Variants in PTPRM observed in about 807,000 individuals in gnomAD.
PTPRM encodes protein tyrosine phosphatase receptor type M, also known as receptor-type tyrosine-protein phosphatase mu.
A neutral mutation model predicts 186.7 loss-of-function variants in PTPRM; 47 were observed. That is an observed-to-expected ratio of 0.25 (90% confidence interval 0.20 to 0.32). The LOEUF is 0.32. Among genes scored for constraint, PTPRM ranks in the 10% least tolerant of loss-of-function variants. The probability of loss-of-function intolerance (pLI) is 1.00; values close to 1 mark genes in which losing one functional copy is unlikely to be tolerated. For missense variants in PTPRM, 1,494 were observed against 1,865.0 expected (o/e 0.80, Z 3.66); for synonymous variants, 668 against 674.9 (o/e 0.99, Z 0.16).
At chr18:7,827,360 G>C (rs898778846) in intron 2 of PTPRM, among the ~76,000 whole-genome samples, 5 of 152,054 alleles carry the variant, frequency 3.3e-5, no homozygotes, top group African/African-American at 1.2e-4. Context: ...AAGCCTTGTA[G>C]CCCTTCTGGA....
At chr18:8,055,329 T>G (rs1404694457) in intron 7 of PTPRM, among the ~76,000 whole-genome samples, 1 of 152,136 alleles carries the variant, frequency 6.6e-6, no homozygotes, top group Non-Finnish European at 1.5e-5. Context: ...TATTTCTATT[T>G]TTCTGTGCTA....
chr18:7,807,479 C>T (rs1165394841), intron 2 of PTPRM, among the ~76,000 whole-genome samples: 1 of 152,136 alleles, frequency 6.6e-6, no homozygotes, highest in Non-Finnish European at 1.5e-5. Flanking sequence ...TCTATTTATC[C>T]AACCCCCACC....
intron 1 of PTPRM, chr18:7,741,790 C>T (rs2040889509): frequency 6.6e-6 from 1 of 152,148 alleles, no homozygotes; most frequent in Non-Finnish European, 1.5e-5. Flanking sequence ...ATAAGTGAAA[C>T]CTTAGCACTG....
chr18:8,296,483 T>C (rs753333685), intron 20 of PTPRM, 28 bp downstream of exon 20: 33 of 1,524,524 alleles, frequency 2.2e-5, no homozygotes, highest in Non-Finnish European at 2.5e-5. Flanking sequence ...CATTGTGCTG[T>C]TGTAGAACTT....
At chr18:8,289,558 A>G (rs2095011356) in intron 19 of PTPRM, among the ~76,000 whole-genome samples, 1 of 103,422 alleles carries the variant, frequency 9.7e-6, no homozygotes, top group Non-Finnish European at 1.9e-5. Context: ...ATACATATAT[A>G]TACACATATA....
At chr18:8,226,307 G>A (rs2094213476) in intron 14 of PTPRM, among the ~76,000 whole-genome samples, 1 of 121,502 alleles carries the variant, frequency 8.2e-6, no homozygotes, top group Admixed American at 1.1e-4. Context: ...CAAATAAATA[G>A]CATGTAAAGG....
intron 1 of PTPRM, among the ~76,000 whole-genome samples, chr18:7,629,095 T>A (rs1482831771): frequency 6.6e-6 from 1 of 152,142 alleles, no homozygotes; most frequent in Non-Finnish European, 1.5e-5. Flanking sequence ...GGTACACTCA[T>A]GGAAGCAGCC....
intron 3 of PTPRM, 110 bp from the exon 4 acceptor site, chr18:7,906,395 T>C (rs1007930062): frequency 2.3e-5 from 18 of 788,274 alleles, no homozygotes; most frequent in Admixed American, 2.1e-4. Context: ...CGTACATGAA[T>C]GAATGAATTG....
In PTPRM at chr18:7,974,827, A is replaced by G. The variant is rs116488756; in HGVS notation, c.1132+19413A>G. On this transcript the variant is annotated intron_variant, in intron 7 of 32. Coordinates refer to ENST00000580170, the MANE Select transcript of PTPRM (RefSeq NM_001105244.2). ...CGTCAATTAAGGACCGATAATAACT[A>G]GCAGATTTTCATGGATTGATTGCCT... 2.7e-3 allele frequency among the ~76,000 whole-genome samples: 418 copies of G among 152,350 alleles called. 1 individual carries two copies. Among genetic ancestry groups the G allele is most frequent in the African/African-American group, 9.6e-3 (398 of 41,576 alleles).
chr18:8,049,163 C>A (rs1484134459), intron 7 of PTPRM, among the ~76,000 whole-genome samples: 1 of 152,200 alleles, frequency 6.6e-6, no homozygotes, highest in Admixed American at 6.5e-5. Flanking sequence ...TTGTAAAGTT[C>A]ATCTATAGGA....
At chr18:8,100,506 A>G (rs944150239) in intron 11 of PTPRM, among the ~76,000 whole-genome samples, 1 of 152,168 alleles carries the variant, frequency 6.6e-6, no homozygotes, top group African/African-American at 2.4e-5. Flanking sequence ...ACTTATCCCC[A>G]AGGAGATGGC....
At chr18:7,719,571 T>C (rs1401824853) in intron 1 of PTPRM, among the ~76,000 whole-genome samples, 2 of 152,116 alleles carry the variant, frequency 1.3e-5, no homozygotes, top group Non-Finnish European at 2.9e-5. Flanking sequence ...AAAAACACAC[T>C]TAATAAAATA....
chr18:7,605,587 A>G (rs935705110), intron 1 of PTPRM, among the ~76,000 whole-genome samples: 2 of 152,046 alleles, frequency 1.3e-5, no homozygotes, highest in African/African-American at 4.8e-5. Flanking sequence ...ATCGAACCAA[A>G]TCTCTTTGGT....
At position 7,899,945 on chromosome 18, in the gene PTPRM, A is replaced by G. The variant is rs116422041; in HGVS notation, c.469-6560A>G. ...AAACCACACATGTGATATAATTGAA[A>G]ACAAGTCAAGCCAGGGACAGGGTCT... On this transcript the variant is annotated intron_variant, in intron 3 of 32. Coordinates refer to ENST00000580170, the MANE Select transcript of PTPRM (RefSeq NM_001105244.2). Among the ~76,000 whole-genome samples, 402 of 152,352 alleles carry G rather than the reference A, an allele frequency of 2.6e-3. 3 individuals are homozygous for G. Among genetic ancestry groups the G allele is most frequent in the African/African-American group, 9.2e-3 (382 of 41,582 alleles).
rs145000303 is a variant in PTPRM at position 7,579,052 on chromosome 18, A to C, written c.73+11161A>C. 4.1e-3 allele frequency among the ~76,000 whole-genome samples: 623 copies of C among 152,308 alleles called. 5 individuals carry two copies. Among genetic ancestry groups the C allele is most frequent in the African/African-American group, 0.014 (572 of 41,556 alleles). On this transcript the variant is annotated intron_variant, in intron 1 of 32. Transcript: ENST00000580170. ...AGTTGTGGTGCTGGGAGGTTGTATA[A>C]GTGACATAGAAGTATGTGTATGTGG...
intron 31 of PTPRM, 145 bp downstream of exon 31, chr18:8,387,380 G>A: frequency 2.4e-6 from 2 of 842,878 alleles, no homozygotes; most frequent in Non-Finnish European, 3.6e-6. Flanking sequence ...ACTCAGTGAG[G>A]GATTGGTTGG....
intron 23 of PTPRM, among the ~76,000 whole-genome samples, chr18:8,361,868 G>A (rs972582556): frequency 6.6e-6 from 1 of 152,124 alleles, no homozygotes; most frequent in Non-Finnish European, 1.5e-5. Context: ...TTTAAGATAG[G>A]CTACAAAAAC....
chr18:7,883,749 T>C (rs1391476917), intron 2 of PTPRM, among the ~76,000 whole-genome samples: 1 of 152,240 alleles, frequency 6.6e-6, no homozygotes, highest in Non-Finnish European at 1.5e-5. Context: ...ACTAATGTTC[T>C]TCTCTCGTAA....
intron 7 of PTPRM, among the ~76,000 whole-genome samples, chr18:7,960,518 A>C (rs973644876): frequency 2.7e-5 from 4 of 149,476 alleles, no homozygotes; most frequent in Non-Finnish European, 5.9e-5. Flanking sequence ...CGTGTGGCCA[A>C]GGCAGGAGGA....
Sources: allele counts gnomAD v4.1 joint callset (sites outside exome capture counted in the v4.1 genomes callset), GRCh38; gene constraint gnomAD v4.1.1; transcripts MANE v1.5; gene names NCBI Gene and HGNC (gene_info 2026-07-23, HGNC 2026-07-21).